The following RRP1 variants were observed in gnomAD, a reference collection of about 807,000 sequenced individuals.
The protein encoded by RRP1 is ribosomal RNA processing 1, also known as ribosomal RNA processing protein 1 homolog A.
RRP1 carries 37 observed loss-of-function variants against 54.6 expected under a neutral mutation model. That is an observed-to-expected ratio of 0.68 (90% CI 0.52 to 0.89). The LOEUF is 0.89. Among genes scored for constraint, RRP1 ranks in the 40% least tolerant of loss-of-function variants. The pLI is 0.00. For missense variants in RRP1, 639 were observed against 612.5 expected, an observed-to-expected ratio of 1.04 and a Z score of -0.46; for synonymous variants, 262 against 244.3, an observed-to-expected ratio of 1.07 and a Z score of -0.67.
At chr21:43,800,785 C>T (rs1187526227) in intron 10 of RRP1, 77 bp from the exon 11 acceptor site, 6 of 1,596,828 alleles carry the variant, frequency 3.8e-6, no homozygotes, top group South Asian at 1.1e-5. Flanking sequence ...TAGGAACCTG[C>T]AGCCGCTCTA....
At chr21:43,792,430 G>A (rs1189463625) in intron 2 of RRP1, among the ~76,000 whole-genome samples, 1 of 152,200 alleles carries the variant, frequency 6.6e-6, no homozygotes, top group Non-Finnish European at 1.5e-5. Context: ...TTGTGTGAGA[G>A]GCTGTTGACC....
At chr21:43,801,393 T>C (rs1431992790) in intron 11 of RRP1, among the ~76,000 whole-genome samples, 1 of 152,226 alleles carries the variant, frequency 6.6e-6, no homozygotes, top group Non-Finnish European at 1.5e-5. Context: ...TTCCTGTCCT[T>C]GCGTGAAGCT....
chr21:43,790,161 C>G (rs1601864236), intron 1 of RRP1, among the ~76,000 whole-genome samples: 2 of 152,352 alleles, frequency 1.3e-5, no homozygotes, highest in East Asian at 3.9e-4. Context: ...GATTTCCACT[C>G]GAGAGTACCT....
chr21:43,797,583 T>C, intron 6 of RRP1, 32 bp downstream of exon 6: 1 of 1,613,926 alleles, frequency 6.2e-7, no homozygotes, highest in Non-Finnish European at 8.5e-7. Flanking sequence ...GCGGTGGAGC[T>C]GGGCGTTTGT....
Position 43,803,817 on chromosome 21 carries a change from G to C in RRP1, c.*43G>C. The C allele has an allele frequency of 6.6e-7, 1 of 1,516,176 alleles. No individual in the cohort carries two copies. Among genetic ancestry groups the C allele is most frequent in the South Asian group, 1.3e-5 (1 of 77,086 alleles). The allele number at this position is 1,516,176 out of a possible 1,614,324, so 93.9% of individuals were successfully genotyped here. A position where few individuals can be genotyped will look rare whatever the true frequency, so the allele number is the denominator to read the frequency against. ...CAGGCAGGGAGGGAGGCCAGGCCTCGCTTGCACCGCGGGACGAGGCTGACC... is the reference window on the plus strand; with the variant it reads ...CAGGCAGGGAGGGAGGCCAGGCCTCCCTTGCACCGCGGGACGAGGCTGACC... On this transcript the variant is annotated 3_prime_UTR_variant, in exon 13 of 13. Coordinates refer to ENST00000497547, the MANE Select transcript of RRP1 (RefSeq NM_003683.6).
intron 5 of RRP1, among the ~76,000 whole-genome samples, chr21:43,796,302 T>G (rs1334159930): frequency 6.6e-6 from 1 of 152,212 alleles, no homozygotes; most frequent in African/African-American, 2.4e-5. Flanking sequence ...TCTCATTCAT[T>G]CTGGGCCTTA....
intron 11 of RRP1, 24 bp downstream of exon 11, chr21:43,800,905 A>C: frequency 6.2e-7 from 1 of 1,613,468 alleles, no homozygotes. Context: ...GGGCACTGAC[A>C]GTGGCACCAC....
intron 11 of RRP1, among the ~76,000 whole-genome samples, chr21:43,801,260 G>A (rs541814920): frequency 2.0e-5 from 3 of 152,302 alleles, no homozygotes; most frequent in African/African-American, 7.2e-5. Context: ...AGTGGGCGTC[G>A]ATGGTTAGAG....
At position 43,803,645 on chromosome 21, in the gene RRP1, A is replaced by G; in HGVS notation, c.1257A>G (p.Arg419=). ...QPGTAERALL[R]DQPRGRGQRG... ...GCACAGCTGAGCGGGCCCTGCTCCG[A>G]GATCAGCCCAGGGGCCGTGGCCAGA... The change falls in exon 13 of 13, where the codon CGA becomes CGG. Residue 419 remains arginine (R), a synonymous_variant. Coordinates refer to ENST00000497547, the MANE Select transcript of RRP1 (RefSeq NM_003683.6). 1 of 1,551,406 alleles carries G rather than the reference A, an allele frequency of 6.4e-7. No homozygotes were observed. Among genetic ancestry groups the G allele is most frequent in the Admixed American group, 2.0e-5 (1 of 51,146 alleles).
Position 43,803,820 on chromosome 21 carries a change from T to C in RRP1, c.*46T>C. ...GCAGGGAGGGAGGCCAGGCCTCGCTTGCACCGCGGGACGAGGCTGACCGGG... is the reference window on the plus strand; with the variant it reads ...GCAGGGAGGGAGGCCAGGCCTCGCTCGCACCGCGGGACGAGGCTGACCGGG... On this transcript the variant is annotated 3_prime_UTR_variant, in exon 13 of 13. Transcript: ENST00000497547. 1 of 1,513,298 alleles carries C rather than the reference T, an allele frequency of 6.6e-7. No individual in the cohort carries two copies. Among genetic ancestry groups the C allele is most frequent in the Non-Finnish European group, 8.9e-7 (1 of 1,125,650 alleles). 93.7% of individuals were successfully genotyped at this position (1,513,298 alleles called of 1,614,324 possible).
chr21:43,799,631 T>C lies in RRP1; in HGVS notation c.873T>C (p.Ser291=), dbSNP rs755373521. The change falls in exon 9 of 13, where the codon AGT becomes AGC. Residue 291 remains serine (S), a synonymous_variant. Coordinates refer to ENST00000497547, the MANE Select transcript of RRP1 (RefSeq NM_003683.6). The part of the protein sequence containing the change: ...GEEQAGDDRD[S]GGPVLQFDYE... ...AGCAGGCAGGTGACGACAGGGACAG[T>C]GGCGGCCCCGTTCTCCAGGTGGGTT... 1 of 1,611,270 alleles carries C rather than the reference T, an allele frequency of 6.2e-7. No homozygotes were observed. The highest frequency in any genetic ancestry group is 8.5e-7 in the Non-Finnish European group (1 of 1,179,624).
chr21:43,801,478 T>A (rs1242148029), intron 11 of RRP1, among the ~76,000 whole-genome samples: 1 of 152,184 alleles, frequency 6.6e-6, no homozygotes, highest in African/African-American at 2.4e-5. Context: ...TTGGTTTTTT[T>A]ATTTTTTATT....
At chr21:43,795,725 C>CT (rs1165346024) in intron 5 of RRP1, among the ~76,000 whole-genome samples, 3 of 152,148 alleles carry the variant, frequency 2.0e-5, no homozygotes, top group Non-Finnish European at 4.4e-5. Flanking sequence ...ATTTTTGTAT[C>CT]TTTTTTTGGT....
rs762408 is a variant in RRP1 at position 43,804,116 on chromosome 21, A to G, written c.*342A>G. On this transcript the variant is annotated 3_prime_UTR_variant, in exon 13 of 13. Coordinates refer to ENST00000497547, the MANE Select transcript of RRP1 (RefSeq NM_003683.6). This position sits in a 1 kb window ranked among gnomAD's most constrained non-coding sequence, Gnocchi z 4.3. ...CCCTTGCCAGGGGAAGTGTCGCTTCAGGTGTGTCCTACGGACGTGTGGGAG... is the reference window on the plus strand; with the variant it reads ...CCCTTGCCAGGGGAAGTGTCGCTTCGGGTGTGTCCTACGGACGTGTGGGAG... The G allele has an allele frequency of 0.54, 152,907 of 281,826 alleles. 45,286 individuals are homozygous for G. The highest frequency in any genetic ancestry group is 0.8 in the African/African-American group (36,620 of 45,692). 17.5% of individuals were successfully genotyped at this position (281,826 alleles called of 1,614,324 possible). A position where few individuals can be genotyped will look rare whatever the true frequency, so the allele number is the denominator to read the frequency against.
At chr21:43,794,387 G>A (rs2084993886) in intron 4 of RRP1, among the ~76,000 whole-genome samples, 1 of 152,154 alleles carries the variant, frequency 6.6e-6, no homozygotes, top group Non-Finnish European at 1.5e-5. Context: ...TCCATGGCTC[G>A]TTTCTGGGTG....
chr21:43,800,431 G>A, intron 9 of RRP1, 86 bp from the exon 10 acceptor site: 1 of 1,248,448 alleles, frequency 8.0e-7, no homozygotes, highest in Admixed American at 1.8e-5. Context: ...GGGACCAAGT[G>A]CTATCTGGGT....
At chr21:43,789,938 C>T (rs2123403988) in intron 1 of RRP1, among the ~76,000 whole-genome samples, 176 bp downstream of exon 1, 1 of 146,394 alleles carries the variant, frequency 6.8e-6, no homozygotes, top group Middle Eastern at 3.5e-3. Flanking sequence ...GCCCCCGCCG[C>T]CGCTTTCCCT....
At chr21:43,795,486 T>C (rs1442653173) in intron 5 of RRP1, among the ~76,000 whole-genome samples, 1 of 152,220 alleles carries the variant, frequency 6.6e-6, no homozygotes, top group African/African-American at 2.4e-5. Flanking sequence ...AAGGGAGTTT[T>C]TTAATGAAAG....
intron 8 of RRP1, among the ~76,000 whole-genome samples, chr21:43,798,566 C>G (rs990785058): frequency 6.6e-6 from 1 of 152,150 alleles, no homozygotes; most frequent in African/African-American, 2.4e-5. Context: ...GCCCGTCTCC[C>G]CAGAGGACAG....
Sources: gnomAD v4.1 joint callset for allele counts (sites outside exome capture counted in the v4.1 genomes callset) on GRCh38, gnomAD v4.1.1 for gene constraint, Gnocchi (gnomAD v3.1) non-coding constraint, MANE v1.5 for transcripts, NCBI Gene and HGNC (gene_info 2026-07-23, HGNC 2026-07-21) for gene names.